The following NEK11 variants were observed in gnomAD, a reference collection of about 807,000 sequenced individuals.
NEK11 encodes serine/threonine-protein kinase Nek11.
NEK11 carries 72 observed loss-of-function variants against 80.7 expected under a neutral mutation model. The observed-to-expected ratio is 0.89, with a 90% CI of 0.74 to 1.08. The LOEUF (loss-of-function observed/expected upper bound fraction) is 1.08. Among genes scored for constraint, NEK11 ranks in the 50% least tolerant of loss-of-function variants. The pLI is 0.00. For missense variants in NEK11, 764 were observed against 763.6 expected (o/e 1.00, Z -0.01); for synonymous variants, 251 against 260.7 (o/e 0.96, Z 0.36).
At chr3:131,207,354 C>A (rs986087116) in intron 14 of NEK11, among the ~76,000 whole-genome samples, 2 of 152,060 alleles carry the variant, frequency 1.3e-5, no homozygotes. Flanking sequence ...GAGGCTGAGG[C>A]GGGTGGATCA....
chr3:131,122,000 C>T (rs2082467614), intron 5 of NEK11, among the ~76,000 whole-genome samples: 1 of 152,206 alleles, frequency 6.6e-6, no homozygotes, highest in South Asian at 2.1e-4. Context: ...GTCCAGCAAG[C>T]CCCAGTGAGA....
At chr3:131,061,437 T>A (rs986797675) in intron 3 of NEK11, among the ~76,000 whole-genome samples, 2 of 152,128 alleles carry the variant, frequency 1.3e-5, no homozygotes, top group East Asian at 3.9e-4. Context: ...TTTCTATACC[T>A]GGTAGACCCC....
At chr3:131,196,520 C>T (rs186377942) in intron 14 of NEK11, among the ~76,000 whole-genome samples, 23 of 151,620 alleles carry the variant, frequency 1.5e-4, no homozygotes, top group South Asian at 6.3e-4. Context: ...TTTAAAAATG[C>T]GAAATTTCTT....
At chr3:131,295,467 T>TAGTA (rs1362081891) in intron 17 of NEK11, among the ~76,000 whole-genome samples, 1 of 152,216 alleles carries the variant, frequency 6.6e-6, no homozygotes, top group Non-Finnish European at 1.5e-5. Context: ...ACTCAACGTG[T>TAGTA]AGTACGTTAT....
chr3:131,153,223 A>G (rs1454624406), intron 9 of NEK11, among the ~76,000 whole-genome samples: 1 of 152,210 alleles, frequency 6.6e-6, no homozygotes, highest in African/African-American at 2.4e-5. Flanking sequence ...TTTTATGCCA[A>G]AACTCAACAT....
At chr3:131,108,693 A>G (rs976301381) in intron 4 of NEK11, among the ~76,000 whole-genome samples, 6 of 152,078 alleles carry the variant, frequency 3.9e-5, no homozygotes, top group Admixed American at 3.3e-4. Flanking sequence ...GGCCTTAATA[A>G]TAAGTATTAT....
intron 5 of NEK11, among the ~76,000 whole-genome samples, chr3:131,127,745 T>A (rs887448099): frequency 6.6e-6 from 1 of 152,178 alleles, no homozygotes; most frequent in Non-Finnish European, 1.5e-5. Context: ...AGATGTTAGA[T>A]GATATTACTT....
chr3:131,149,418 C>G (rs1458189940), intron 7 of NEK11, among the ~76,000 whole-genome samples: 3 of 152,026 alleles, frequency 2.0e-5, no homozygotes, highest in African/African-American at 7.2e-5. Context: ...GTGAATAGTG[C>G]TACAATGAAC....
intron 16 of NEK11, among the ~76,000 whole-genome samples, chr3:131,252,830 A>G (rs2095734309): frequency 6.6e-6 from 1 of 152,146 alleles, no homozygotes; most frequent in African/African-American, 2.4e-5. Context: ...TAAGCCTTGA[A>G]AGGATTATCG....
intron 16 of NEK11, among the ~76,000 whole-genome samples, chr3:131,255,658 C>A (rs1248579056): frequency 1.3e-5 from 2 of 152,122 alleles, no homozygotes; most frequent in Non-Finnish European, 2.9e-5. Context: ...AGAATGCTTC[C>A]CCTCCCGACT....
intron 17 of NEK11, among the ~76,000 whole-genome samples, chr3:131,331,746 G>C (rs892206560): frequency 6.6e-6 from 1 of 152,196 alleles, no homozygotes; most frequent in African/African-American, 2.4e-5. Context: ...CTGGAAAATC[G>C]GGTCACTCCC....
At chr3:131,170,641 G>GA in intron 13 of NEK11, 132 bp from the exon 14 acceptor site, 1 of 636,688 alleles carries the variant, frequency 1.6e-6, no homozygotes, top group Non-Finnish European at 2.8e-6. Context: ...CCTGAAGTTT[G>GA]AAAACGTTTA....
intron 7 of NEK11, among the ~76,000 whole-genome samples, chr3:131,142,054 A>C (rs1238252308): frequency 6.6e-6 from 1 of 152,212 alleles, no homozygotes; most frequent in African/African-American, 2.4e-5. Flanking sequence ...TTTCTGCTCC[A>C]GTTGCAGTCC....
intron 14 of NEK11, among the ~76,000 whole-genome samples, chr3:131,219,851 T>C (rs2094960978): frequency 2.6e-5 from 4 of 152,160 alleles, no homozygotes. Flanking sequence ...TTGGAGTGTG[T>C]CTGGGAAGAG....
At chr3:131,280,382 CT>C (rs201530169) in intron 17 of NEK11, among the ~76,000 whole-genome samples, 3 of 151,560 alleles carry the variant, frequency 2.0e-5, no homozygotes, top group East Asian at 1.9e-4. Context: ...TTTTTTAAGG[CT>C]TTTTTTTCCC....
At chr3:131,033,785 C>CATTAAAATAATGT (rs2065228798) in intron 3 of NEK11, among the ~76,000 whole-genome samples, 1 of 152,144 alleles carries the variant, frequency 6.6e-6, no homozygotes, top group East Asian at 1.9e-4. Context: ...TAAAATAAAA[C>CATTAAAATAATGT]CTACAGTACA....
Position 131,265,701 on chromosome 3 carries a change from G to A in NEK11, c.1622-7777G>A, listed in dbSNP as rs567787282. ...CTTTTTTTTGTTGTGTCTCTACCAG[G>A]TTTTGGTATCAGGATGATGCTGGCC... is the stretch of plus-strand genomic sequence containing the variant. On this transcript the variant is annotated intron_variant, in intron 16 of 17. Coordinates refer to ENST00000383366, the MANE Select transcript of NEK11 (RefSeq NM_024800.5). Among the ~76,000 whole-genome samples, 15 of 152,264 alleles carry A rather than the reference G, an allele frequency of 9.9e-5. No homozygotes were observed. In the South Asian group the frequency reaches 2.9e-3, roughly 29 times the overall value.
intron 12 of NEK11, among the ~76,000 whole-genome samples, chr3:131,168,112 A>G (rs2092391590): frequency 6.6e-6 from 1 of 152,178 alleles, no homozygotes; most frequent in Admixed American, 6.5e-5. Flanking sequence ...GTGCAGTCAC[A>G]TCAGTCATTT....
intron 5 of NEK11, among the ~76,000 whole-genome samples, chr3:131,113,650 C>T (rs912181574): frequency 1.3e-5 from 2 of 152,092 alleles, no homozygotes; most frequent in Non-Finnish European, 2.9e-5. Flanking sequence ...CAGTGGCTCA[C>T]GTCTGTAATC....
Sources: gnomAD v4.1 joint callset for allele counts (sites outside exome capture counted in the v4.1 genomes callset) on GRCh38, gnomAD v4.1.1 for gene constraint, MANE v1.5 for transcripts, NCBI Gene and HGNC (gene_info 2026-07-23, HGNC 2026-07-21) for gene names.